Variants in GRHL3 observed in about 807,000 individuals in gnomAD.
GRHL3 encodes grainyhead-like protein 3 homolog.
In GRHL3, 20 loss-of-function variants were observed where a neutral mutation model predicts 70.3. The ratio of observed to expected loss-of-function variants is 0.28; its 90% confidence interval spans 0.20 to 0.41. GRHL3 has a LOEUF of 0.41. GRHL3 is among the 10% of genes least tolerant of loss of function. The pLI, the probability that GRHL3 is intolerant of heterozygous loss-of-function variation, is 1.00. For synonymous variants in GRHL3, 299 were observed against 299.9 expected, an observed-to-expected ratio of 1.00 and a Z score of 0.03; for missense variants, 637 against 762.3, an observed-to-expected ratio of 0.84 and a Z score of 1.94.
chr1:24,358,433 C>T (rs555761350), downstream of GRHL3: 1 of 929,690 alleles, frequency 1.1e-6, no homozygotes, highest in Admixed American at 1.7e-5. Flanking sequence ...AGCCACCCCC[C>T]AAGTTGTCAG....
intron 15 of GRHL3, among the ~76,000 whole-genome samples, chr1:24,350,703 G>C (rs1640470139): frequency 6.6e-6 from 1 of 152,196 alleles, no homozygotes; most frequent in Admixed American, 6.5e-5. Flanking sequence ...GTCTGGAAAA[G>C]GAGTTGTGAT....
At chr1:24,326,341 C>CCCTCCCCCCCTCTTCT (rs1557690798) in intron 1 of GRHL3, among the ~76,000 whole-genome samples, 9 of 125,958 alleles carry the variant, frequency 7.1e-5, no homozygotes, top group South Asian at 2.7e-4. Context: ...CTCCCTCTTC[C>CCCTCCCCCCCTCTTCT]CCTCCACCCC....
chr1:24,329,318 T>G (rs1277410003), intron 1 of GRHL3, among the ~76,000 whole-genome samples: 1 of 152,106 alleles, frequency 6.6e-6, no homozygotes. Context: ...CCCACTGCAG[T>G]CTGAGGATAT....
intron 1 of GRHL3, among the ~76,000 whole-genome samples, chr1:24,330,230 A>C (rs1037159653): frequency 5.9e-5 from 9 of 152,346 alleles, no homozygotes; most frequent in Middle Eastern, 3.4e-3. Context: ...TAACATTAAA[A>C]ATCTACTCTT....
intron 13 of GRHL3, among the ~76,000 whole-genome samples, chr1:24,347,219 C>T (rs767826898): frequency 6.6e-5 from 10 of 152,156 alleles, no homozygotes; most frequent in Admixed American, 1.3e-4. Flanking sequence ...AATCAGGCTC[C>T]GTGATGTTAA....
intron 8 of GRHL3, among the ~76,000 whole-genome samples, chr1:24,340,336 T>C (rs1639988762): frequency 6.6e-6 from 1 of 152,196 alleles, no homozygotes; most frequent in Non-Finnish European, 1.5e-5. Context: ...AACAGTAACC[T>C]GCCTGCTAGG....
intron 15 of GRHL3, among the ~76,000 whole-genome samples, chr1:24,362,219 C>T (rs1641169170): frequency 6.6e-6 from 1 of 152,208 alleles, no homozygotes; most frequent in African/African-American, 2.4e-5. Flanking sequence ...ACACAGAGAG[C>T]TTGAGGGGAC....
chr1:24,341,530 C>G (rs922530960), intron 8 of GRHL3, among the ~76,000 whole-genome samples: 2 of 152,152 alleles, frequency 1.3e-5, no homozygotes, highest in African/African-American at 4.8e-5. Flanking sequence ...TCTGTTTCCC[C>G]GGCTGTAAGA....
chr1:24,348,085 C>A (rs1262661589), intron 14 of GRHL3, among the ~76,000 whole-genome samples: 1 of 152,208 alleles, frequency 6.6e-6, no homozygotes, highest in African/African-American at 2.4e-5. Context: ...CCACCAAAAA[C>A]TAAGCAAACA....
At chr1:24,345,011 C>A in intron 12 of GRHL3, 80 bp downstream of exon 12, 1 of 1,410,022 alleles carries the variant, frequency 7.1e-7, no homozygotes, top group Non-Finnish European at 9.8e-7. Flanking sequence ...CCTGTGCCTC[C>A]GCCACACCTG....
downstream of GRHL3, chr1:24,358,546 C>A (rs760194663): frequency 1.9e-6 from 3 of 1,613,242 alleles, no homozygotes; most frequent in Admixed American, 5.0e-5. Context: ...GACATCCCTA[C>A]AGAACCGGGA....
At chr1:24,358,547 A>G, downstream of GRHL3, 4 of 1,613,366 alleles carry the variant, frequency 2.5e-6, no homozygotes, top group Non-Finnish European at 3.4e-6. Flanking sequence ...ACATCCCTAC[A>G]GAACCGGGAT....
Position 24,346,422 on chromosome 1 carries a change from C to G in GRHL3, c.1455-131C>G, listed in dbSNP as rs544896116. 12 of 620,710 alleles carry G rather than the reference C, an allele frequency of 1.9e-5. No individual in the cohort carries two copies. The South Asian group carries it at 2.0e-4, about 10-fold the overall frequency. 38.5% of individuals were successfully genotyped at this position (620,710 alleles called of 1,614,324 possible). ...CTCCAGACCTGCTGCTTTACCCCCA[C>G]TGTCCCTCTGCTTTGCATCCACCCT... On this transcript the variant is annotated intron_variant, in intron 12 of 15. Coordinates refer to ENST00000361548, the MANE Select transcript of GRHL3 (RefSeq NM_198173.3).
At chr1:24,335,552 G>T (rs1031278681) in intron 3 of GRHL3, among the ~76,000 whole-genome samples, 6 of 151,600 alleles carry the variant, frequency 4.0e-5, no homozygotes, top group South Asian at 2.1e-4. Context: ...GGAACAGTGG[G>T]TTTGGGTACA....
At position 24,338,158 on chromosome 1, in the gene GRHL3, A is replaced by G. The variant is rs1323444983; in HGVS notation, c.952+55A>G. 5 of 1,204,042 alleles carry G rather than the reference A, an allele frequency of 4.2e-6. No individual in the cohort carries two copies. In the East Asian group the frequency reaches 7.1e-5, roughly 17 times the overall value. 74.6% of individuals were successfully genotyped at this position (1,204,042 alleles called of 1,614,324 possible). A position where few individuals can be genotyped will look rare whatever the true frequency, so the allele number is the denominator to read the frequency against. ...CTCCCCTCTCTCTCCCCACCCCCGC[A>G]TCAATCAGGCCTTTTTCTTACTCAC... On this transcript the variant is annotated intron_variant, in intron 7 of 15. Transcript: ENST00000361548.
chr1:24,323,218 C>G, intron 1 of GRHL3: 2 of 740,486 alleles, frequency 2.7e-6, no homozygotes, highest in Non-Finnish European at 4.8e-6. Flanking sequence ...AAAGAGAACA[C>G]CTAGAACAGT....
chr1:24,332,229 A>T (rs1639640538), intron 2 of GRHL3, among the ~76,000 whole-genome samples: 1 of 152,108 alleles, frequency 6.6e-6, no homozygotes. Context: ...CCCAAGGCCC[A>T]CCTTCTCTTA....
chr1:24,335,833 C>T (rs570973992), intron 3 of GRHL3, among the ~76,000 whole-genome samples: 4 of 152,328 alleles, frequency 2.6e-5, no homozygotes, highest in South Asian at 2.1e-4. Context: ...CCGCCCGCCT[C>T]GGCCTCCCTA....
In GRHL3 at chr1:24,346,660, C is replaced by T. The variant is rs781620515; in HGVS notation, c.1543+19C>T. 1 of 1,585,394 alleles carries T rather than the reference C, an allele frequency of 6.3e-7. No homozygotes were observed. The highest frequency in any genetic ancestry group is 8.6e-7 in the Non-Finnish European group (1 of 1,156,696). ...CAGAGAGGTGACCTCCCGCCCTCCT[C>T]ATTTACTCACCAGGCCCACCCCAGC... On this transcript the variant is annotated intron_variant, in intron 13 of 15. Transcript: ENST00000361548.
Sources: gnomAD v4.1 joint callset for allele counts (sites outside exome capture counted in the v4.1 genomes callset) on GRCh38, gnomAD v4.1.1 for gene constraint, MANE v1.5 for transcripts, NCBI Gene and HGNC (gene_info 2026-07-23, HGNC 2026-07-21) for gene names.